Variants in ANKFN1 observed in about 807,000 individuals in gnomAD.
ANKFN1 encodes the protein ankyrin repeat and fibronectin type-III domain-containing protein 1.
ANKFN1 carries 74 observed loss-of-function variants against 108.7 expected under a neutral mutation model. The observed-to-expected ratio is 0.68, with a 90% CI of 0.56 to 0.83. The LOEUF (loss-of-function observed/expected upper bound fraction) is 0.83. Among genes scored for constraint, ANKFN1 ranks in the 40% least tolerant of loss-of-function variants. The pLI, the probability that ANKFN1 is intolerant of heterozygous loss-of-function variation, is 0.00. For missense variants in ANKFN1, 1,505 were observed against 1,382.3 expected, an observed-to-expected ratio of 1.09 and a Z score of -1.41; for synonymous variants, 547 against 516.2, an observed-to-expected ratio of 1.06 and a Z score of -0.81.
intron 8 of ANKFN1, among the ~76,000 whole-genome samples, chr17:56,434,884 G>A (rs780900984): frequency 2.0e-5 from 3 of 152,124 alleles, no homozygotes; most frequent in Admixed American, 6.5e-5. Context: ...TCTGGTGCTG[G>A]GTTGGGCAGT....
intron 8 of ANKFN1, among the ~76,000 whole-genome samples, chr17:56,393,120 C>CTTA (rs1567968329): frequency 6.6e-6 from 1 of 152,124 alleles, no homozygotes; most frequent in Non-Finnish European, 1.5e-5. Flanking sequence ...TAAGGCCCAC[C>CTTA]GTTAAACAAA....
chr17:56,228,837 A>G (rs1366617454), intron 3 of ANKFN1, among the ~76,000 whole-genome samples: 1 of 152,136 alleles, frequency 6.6e-6, no homozygotes, highest in Non-Finnish European at 1.5e-5. Flanking sequence ...CTTCTAATTC[A>G]TGTAGAATTT....
At chr17:56,059,745 A>G (rs936038303) in intron 4 of ANKFN1, among the ~76,000 whole-genome samples, 1 of 151,652 alleles carries the variant, frequency 6.6e-6, no homozygotes, top group Admixed American at 6.6e-5. Flanking sequence ...CATGTTGTAG[A>G]TGTGTGGTTT....
intron 3 of ANKFN1, among the ~76,000 whole-genome samples, chr17:56,321,063 GAAA>G (rs11332530): frequency 1.1e-4 from 12 of 114,284 alleles, no homozygotes; most frequent in African/African-American, 2.4e-4. Flanking sequence ...TTTTCTTTAG[GAAA>G]AAAAAAAAAA....
intron 3 of ANKFN1, among the ~76,000 whole-genome samples, chr17:56,230,060 CCT>C (rs1916613558): frequency 1.3e-5 from 2 of 152,178 alleles, no homozygotes; most frequent in South Asian, 4.1e-4. Context: ...TGGAAAACGA[CCT>C]AATCAACGTT....
intron 20 of ANKFN1, among the ~76,000 whole-genome samples, chr17:56,503,374 C>A (rs1054107879): frequency 6.6e-6 from 1 of 151,068 alleles, no homozygotes; most frequent in African/African-American, 2.4e-5. Flanking sequence ...GGTGAACAAA[C>A]CCCGGAGGTT....
At chr17:56,487,362 A>G (rs1368367565) in intron 18 of ANKFN1, among the ~76,000 whole-genome samples, 3 of 152,138 alleles carry the variant, frequency 2.0e-5, no homozygotes, top group Non-Finnish European at 2.9e-5. Context: ...TAGAAACTTT[A>G]TCAGGTGACG....
At chr17:56,390,196 T>C (rs1413846483) in intron 8 of ANKFN1, among the ~76,000 whole-genome samples, 1 of 147,520 alleles carries the variant, frequency 6.8e-6, no homozygotes, top group Non-Finnish European at 1.5e-5. Flanking sequence ...CTCCCTCCCC[T>C]TGCCCCCCAC....
At chr17:56,075,485 A>G (rs1905170840) in intron 4 of ANKFN1, among the ~76,000 whole-genome samples, 1 of 152,134 alleles carries the variant, frequency 6.6e-6, no homozygotes, top group African/African-American at 2.4e-5. Flanking sequence ...TAAATTGCAC[A>G]TGCTCCAGCC....
chr17:56,107,245 A>G (rs891950627), intron 4 of ANKFN1, among the ~76,000 whole-genome samples: 4 of 152,288 alleles, frequency 2.6e-5, no homozygotes, highest in African/African-American at 9.6e-5. Flanking sequence ...TGAAGTCCCA[A>G]GGAGGTTTCA....
chr17:56,281,328 A>G (rs1158850753), intron 3 of ANKFN1, among the ~76,000 whole-genome samples: 3 of 152,204 alleles, frequency 2.0e-5, no homozygotes, highest in Non-Finnish European at 2.9e-5. Flanking sequence ...TTTTCAATAA[A>G]TGGTTCTAGA....
chr17:56,057,556 C>A (rs142897516), intron 4 of ANKFN1, among the ~76,000 whole-genome samples: 1 of 152,042 alleles, frequency 6.6e-6, no homozygotes, highest in East Asian at 1.9e-4. Context: ...GAGGCAGAGG[C>A]GGGCAGATCA....
intron 3 of ANKFN1, among the ~76,000 whole-genome samples, chr17:56,248,563 A>G (rs2043167413): frequency 1.3e-5 from 2 of 152,200 alleles, no homozygotes; most frequent in South Asian, 2.1e-4. Context: ...TGAGGCTTAC[A>G]TTACTATTTT....
rs182741752 is a variant in ANKFN1 at position 56,192,042 on chromosome 17, C to T, written c.-70-20556C>T. ...GCTTCTGCATTCTTCACGTAGTTCT[C>T]GAGCCTTGGTTTTCAGCTCAATGCA... On this transcript the variant is annotated intron_variant, in intron 1 of 20. Coordinates refer to ENST00000682825, the MANE Select transcript of ANKFN1 (RefSeq NM_001370326.1). 1.7e-3 allele frequency among the ~76,000 whole-genome samples: 266 copies of T among 152,194 alleles called. 3 individuals are homozygous for T. The highest frequency in any genetic ancestry group is 6.0e-3 in the African/African-American group (251 of 41,520).
intron 18 of ANKFN1, among the ~76,000 whole-genome samples, chr17:56,491,944 T>G (rs1486257321): frequency 6.6e-6 from 1 of 152,148 alleles, no homozygotes; most frequent in African/African-American, 2.4e-5. Flanking sequence ...AACTGCAGCT[T>G]TAGCCAACCC....
intron 4 of ANKFN1, among the ~76,000 whole-genome samples, chr17:56,047,642 C>A (rs1196997822): frequency 6.6e-6 from 1 of 151,862 alleles, no homozygotes; most frequent in African/African-American, 2.4e-5. Context: ...TATCCTTTCA[C>A]TGAAGCAGTT....
intron 1 of ANKFN1, chr17:56,156,564 C>T (rs531442155): frequency 2.0e-5 from 3 of 152,292 alleles, no homozygotes; most frequent in African/African-American, 4.8e-5. Flanking sequence ...CAACTGGAAA[C>T]GTAAGATGCA....
chr17:56,072,389 C>T (rs1165893021), intron 4 of ANKFN1, among the ~76,000 whole-genome samples: 1 of 151,956 alleles, frequency 6.6e-6, no homozygotes, highest in Admixed American at 6.6e-5. Flanking sequence ...CACTTGATTA[C>T]ACAAGTGTAA....
chr17:56,495,808 C>T (rs1188948933), intron 19 of ANKFN1, among the ~76,000 whole-genome samples: 3 of 152,166 alleles, frequency 2.0e-5, no homozygotes, highest in Admixed American at 6.5e-5. Flanking sequence ...CTATCATCCC[C>T]TTGAGCACCT....
Sources: allele counts gnomAD v4.1 joint callset (sites outside exome capture counted in the v4.1 genomes callset), GRCh38; gene constraint gnomAD v4.1.1; transcripts MANE v1.5; gene names NCBI Gene and HGNC (gene_info 2026-07-23, HGNC 2026-07-21).